Variants in RAB8B observed in about 807,000 individuals in gnomAD.
RAB8B encodes RAB8B, member RAS oncogene family, also known as ras-related protein Rab-8B.
In RAB8B, 11 loss-of-function variants were observed where a neutral mutation model predicts 32.0. The observed-to-expected ratio is 0.34, with a 90% CI of 0.22 to 0.57. The LOEUF (loss-of-function observed/expected upper bound fraction) is 0.57. RAB8B is among the 20% of genes least tolerant of loss of function. The pLI is 0.86. For missense variants in RAB8B, 190 were observed against 258.5 expected, an observed-to-expected ratio of 0.73 and a Z score of 1.82; for synonymous variants, 103 against 89.6, an observed-to-expected ratio of 1.15 and a Z score of -0.85.
chr15:63,219,004 ATTTTTTTT>A (rs71131152), intron 1 of RAB8B, among the ~76,000 whole-genome samples: 37 of 94,672 alleles, frequency 3.9e-4, no homozygotes, highest in Admixed American at 1.6e-3. Flanking sequence ...CCAGCAGTGG[ATTTTTTTT>A]TTTTTTTTTT....
At chr15:63,191,523 T>G (rs2037555978) in intron 1 of RAB8B, among the ~76,000 whole-genome samples, 1 of 152,236 alleles carries the variant, frequency 6.6e-6, no homozygotes. Flanking sequence ...CTCTCAAGTA[T>G]ATTCCTAAGA....
In RAB8B at chr15:63,248,492, A is replaced by AC. The variant is rs2152579200; in HGVS notation, c.186-1152dup. 6.6e-6 allele frequency among the ~76,000 whole-genome samples: 1 copy of AC among 152,286 alleles called. No homozygotes were observed. Among genetic ancestry groups the AC allele is most frequent in the Admixed American group, 6.5e-5 (1 of 15,302 alleles). On this transcript the variant is annotated intron_variant, in intron 2 of 7. Coordinates refer to ENST00000321437, the MANE Select transcript of RAB8B (RefSeq NM_016530.3). This position sits in a 1 kb window ranked among gnomAD's most constrained non-coding sequence, Gnocchi z 4.4. Reference sequence around the variant, plus strand: ...GTGCCACTGGACCCCAGCCTGGGTGACAGAGCGAGACTCCATCTCAAAAAC... The same window carrying AC: ...GTGCCACTGGACCCCAGCCTGGGTGACCAGAGCGAGACTCCATCTCAAAAAC...
intron 1 of RAB8B, among the ~76,000 whole-genome samples, chr15:63,195,728 T>C (rs1478645178): frequency 1.3e-5 from 2 of 152,220 alleles, no homozygotes; most frequent in Non-Finnish European, 2.9e-5. Context: ...CTCCTGTGGG[T>C]GTTAGAACTG....
chr15:63,210,248 C>T (rs1421177597), intron 1 of RAB8B, among the ~76,000 whole-genome samples: 1 of 152,194 alleles, frequency 6.6e-6, no homozygotes, highest in Non-Finnish European at 1.5e-5. Flanking sequence ...GTTTCTTTGC[C>T]TCTGGCCCTC....
intron 1 of RAB8B, among the ~76,000 whole-genome samples, chr15:63,240,698 A>G (rs1055136741): frequency 6.6e-6 from 1 of 151,834 alleles, no homozygotes; most frequent in Admixed American, 6.6e-5. Flanking sequence ...GCTAAATGCC[A>G]TAGTTCACAG....
intron 1 of RAB8B, among the ~76,000 whole-genome samples, chr15:63,236,679 G>A (rs2037983515): frequency 6.6e-6 from 1 of 152,128 alleles, no homozygotes; most frequent in Non-Finnish European, 1.5e-5. Context: ...TTTTGATACA[G>A]GCATGCAATG....
At chr15:63,220,571 C>T (rs927455237) in intron 1 of RAB8B, among the ~76,000 whole-genome samples, 18 of 152,006 alleles carry the variant, frequency 1.2e-4, no homozygotes, top group African/African-American at 2.7e-4. Flanking sequence ...TTTTTTGAAA[C>T]TTTCAGTGGT....
chr15:63,218,574 CA>C (rs2037813262), intron 1 of RAB8B, among the ~76,000 whole-genome samples: 1 of 152,190 alleles, frequency 6.6e-6, no homozygotes, highest in Non-Finnish European at 1.5e-5. Context: ...ATTTATTTTG[CA>C]GGCAATTATT....
At chr15:63,219,918 T>G (rs1019065092) in intron 1 of RAB8B, among the ~76,000 whole-genome samples, 4 of 152,198 alleles carry the variant, frequency 2.6e-5, no homozygotes, top group South Asian at 2.1e-4. Context: ...TCTTTCTACA[T>G]GGACTCTGGA....
chr15:63,259,825 A>G lies in RAB8B; in HGVS notation c.480+133A>G. 1.3e-6 allele frequency: 1 copy of G among 744,994 alleles called. No individual in the cohort carries two copies. The highest frequency in any genetic ancestry group is 2.2e-6 in the Non-Finnish European group (1 of 464,418). The allele number at this position is 744,994 out of a possible 1,614,324, so 46.1% of individuals were successfully genotyped here. ...TTGTTGACCCAACTCTACTTTGTACACTTTTGTGCTTCTGATTTTTTTTTT... is the reference window on the plus strand; with the variant it reads ...TTGTTGACCCAACTCTACTTTGTACGCTTTTGTGCTTCTGATTTTTTTTTT... On this transcript the variant is annotated intron_variant, in intron 6 of 7. Coordinates refer to ENST00000321437, the MANE Select transcript of RAB8B (RefSeq NM_016530.3). This position sits in a 1 kb window ranked among gnomAD's most constrained non-coding sequence, Gnocchi z 4.4.
chr15:63,244,094 G>A (rs2038052853), intron 1 of RAB8B, among the ~76,000 whole-genome samples: 1 of 152,166 alleles, frequency 6.6e-6, no homozygotes, highest in Admixed American at 6.5e-5. Flanking sequence ...GTCCCACAAT[G>A]GCAATCTAAT....
chr15:63,193,555 TA>T (rs1162944376), intron 1 of RAB8B, among the ~76,000 whole-genome samples: 1 of 152,238 alleles, frequency 6.6e-6, no homozygotes, highest in African/African-American at 2.4e-5. Context: ...CTCATGCCTG[TA>T]ATCTCAGCAC....
intron 2 of RAB8B, among the ~76,000 whole-genome samples, chr15:63,249,390 G>T (rs1184882532): frequency 6.6e-6 from 1 of 152,142 alleles, no homozygotes; most frequent in African/African-American, 2.4e-5. Context: ...GGATTTTTCT[G>T]TGTATTTTTC....
At chr15:63,241,304 G>A (rs888601776) in intron 1 of RAB8B, among the ~76,000 whole-genome samples, 24 of 152,174 alleles carry the variant, frequency 1.6e-4, no homozygotes, top group African/African-American at 5.1e-4. Flanking sequence ...AGCCAAGATC[G>A]CGCCACTGCA....
chr15:63,219,432 A>G (rs1286873484), intron 1 of RAB8B, among the ~76,000 whole-genome samples: 1 of 150,272 alleles, frequency 6.7e-6, no homozygotes, highest in Non-Finnish European at 1.5e-5. Context: ...AAGTCAATTT[A>G]CTGTGTCCAG....
intron 2 of RAB8B, 105 bp downstream of exon 2, chr15:63,244,921 CT>C (rs1234253117): frequency 8.3e-6 from 8 of 964,892 alleles, no homozygotes; most frequent in Non-Finnish European, 1.1e-5. Context: ...GCTAAAACAT[CT>C]TTTCTTTATC....
chr15:63,208,699 C>A (rs528107386), intron 1 of RAB8B, among the ~76,000 whole-genome samples: 1 of 152,232 alleles, frequency 6.6e-6, no homozygotes, highest in Admixed American at 6.5e-5. Context: ...TCCTGATGTT[C>A]CTCATATGTC....
chr15:63,207,058 C>T (rs2037704260), intron 1 of RAB8B, among the ~76,000 whole-genome samples: 1 of 152,210 alleles, frequency 6.6e-6, no homozygotes, highest in Non-Finnish European at 1.5e-5. Context: ...CTCCCCTTTC[C>T]ATGGTAGTCT....
rs2038257800 is a variant in RAB8B, at chr15:63,267,439, G to A, written c.*3820G>A. On this transcript the variant is annotated 3_prime_UTR_variant, in exon 8 of 8. Transcript: ENST00000321437. ...GTTCAATTTTATGGCCTTACAGATG[G>A]CTTTTATTTTGTTTGCAGCTGACAC... 1 of 152,292 alleles carries A rather than the reference G, an allele frequency of 6.6e-6. No homozygotes were observed. The highest frequency in any genetic ancestry group is 1.5e-5 in the Non-Finnish European group (1 of 68,012). The allele number at this position is 152,292 out of a possible 1,614,324, so 9.4% of individuals were successfully genotyped here.
Sources: allele counts gnomAD v4.1 joint callset (sites outside exome capture counted in the v4.1 genomes callset), GRCh38; gene constraint gnomAD v4.1.1; non-coding constraint Gnocchi (gnomAD v3.1); transcripts MANE v1.5; gene names NCBI Gene and HGNC (gene_info 2026-07-23, HGNC 2026-07-21).